The following DTX1 variants were observed in gnomAD, a reference collection of about 807,000 sequenced individuals.
DTX1 encodes the protein E3 ubiquitin-protein ligase DTX1.
Under a neutral mutation model 57.8 loss-of-function variants are expected in DTX1, and 26 were observed. That is an observed-to-expected ratio of 0.45 (90% CI 0.33 to 0.62). DTX1 has a LOEUF of 0.62. Among genes scored for constraint, DTX1 ranks in the 20% least tolerant of loss-of-function variants. The pLI, the probability that DTX1 is intolerant of heterozygous loss-of-function variation, is 0.02. For synonymous variants in DTX1, 398 were observed against 394.1 expected, an observed-to-expected ratio of 1.01 and a Z score of -0.12; for missense variants, 704 against 895.3, an observed-to-expected ratio of 0.79 and a Z score of 2.73.
At chr12:113,072,876 G>C (rs1410996935) in intron 2 of DTX1, among the ~76,000 whole-genome samples, 2 of 151,816 alleles carry the variant, frequency 1.3e-5, no homozygotes, top group Non-Finnish European at 2.9e-5. Context: ...GCTAATGTTT[G>C]TATTTTTTAG....
chr12:113,091,132 G>A (rs1950244074), intron 3 of DTX1, among the ~76,000 whole-genome samples: 1 of 152,174 alleles, frequency 6.6e-6, no homozygotes, highest in Non-Finnish European at 1.5e-5. Flanking sequence ...GCAGTAGCAG[G>A]TGCGGTACTG....
intron 9 of DTX1, 87 bp downstream of exon 9, chr12:113,095,501 C>T: frequency 6.5e-7 from 1 of 1,529,454 alleles, no homozygotes; most frequent in East Asian, 2.3e-5. Context: ...CCCCATCATT[C>T]CCAATCCCTG....
rs936040726 is a variant in DTX1, at chr12:113,093,571, C to T, written c.1036C>T (p.Leu346=). ...MTGILLCAAG[L]PVCLTRAPKP... ...CGGGATACTGCTGTGCGCGGCCGGG[C>T]TGCCCGTGTGCCTGACGCGGGCCCC... The change falls in exon 5 of 10, where the codon CTG becomes TTG. Residue 346 remains leucine, a synonymous_variant. Coordinates refer to ENST00000548759, the MANE Select transcript of DTX1 (RefSeq NM_004416.3). The surrounding 1 kb of genome is among the most constrained non-coding windows in gnomAD (Gnocchi z 4.2). The T allele has an allele frequency of 1.2e-6, 2 of 1,610,200 alleles. No homozygotes were observed. The highest frequency in any genetic ancestry group is 1.3e-5 in the African/African-American group (1 of 74,860).
chr12:113,093,368 C>T lies in DTX1; in HGVS notation c.1003+145C>T, dbSNP rs1950260987. ...CTTCCACTGGGCCCAGGACACAGGGCGGGCGTGGCCCGCAGAAAGGCCCTT... is the reference window on the plus strand; with the variant it reads ...CTTCCACTGGGCCCAGGACACAGGGTGGGCGTGGCCCGCAGAAAGGCCCTT... On this transcript the variant is annotated intron_variant, in intron 4 of 9. Transcript: ENST00000548759. The surrounding 1 kb of genome is among the most constrained non-coding windows in gnomAD (Gnocchi z 4.2). 11 of 1,323,224 alleles carry T rather than the reference C, an allele frequency of 8.3e-6. No homozygotes were observed. The highest frequency in any genetic ancestry group is 1.5e-5 in the South Asian group (1 of 65,778). 82.0% of individuals were successfully genotyped at this position (1,323,224 alleles called of 1,614,324 possible). A position where few individuals can be genotyped will look rare whatever the true frequency, so the allele number is the denominator to read the frequency against.
Position 113,065,261 on chromosome 12 carries a change from G to A in DTX1, c.259+6810G>A, listed in dbSNP as rs530251859. The stretch of plus-strand genomic sequence containing the variant: ...CTGGGTTCCCTTCACCCAGCCAGCG[G>A]GTGTCACCCCATTTTACACATAGTA... On this transcript the variant is annotated intron_variant, in intron 2 of 9. Coordinates refer to ENST00000548759, the MANE Select transcript of DTX1 (RefSeq NM_004416.3). 8.5e-5 allele frequency among the ~76,000 whole-genome samples: 13 copies of A among 152,318 alleles called. No homozygotes were observed. In the South Asian group the frequency reaches 2.7e-3, roughly 32 times the overall value.
At chr12:113,078,186 C>T in intron 3 of DTX1, 81 bp downstream of exon 3, 4 of 1,070,868 alleles carry the variant, frequency 3.7e-6, no homozygotes, top group Non-Finnish European at 4.7e-6. Flanking sequence ...GCCACTAGGG[C>T]AGGAGCAAAG....
intron 3 of DTX1, among the ~76,000 whole-genome samples, chr12:113,091,752 C>T (rs983690267): frequency 3.3e-5 from 5 of 152,198 alleles, no homozygotes; most frequent in African/African-American, 1.2e-4. Flanking sequence ...CAGGCTGTGA[C>T]CTGAACAGGC....
intron 9 of DTX1, 32 bp from the exon 10 acceptor site, chr12:113,096,683 C>T: frequency 6.3e-7 from 1 of 1,580,882 alleles, no homozygotes; most frequent in Non-Finnish European, 8.6e-7. Context: ...CTGTGACCTC[C>T]TCCCGGCCCC....
chr12:113,078,165 G>C (rs922445686), intron 3 of DTX1, 60 bp downstream of exon 3: 2 of 1,247,940 alleles, frequency 1.6e-6, no homozygotes, highest in Non-Finnish European at 2.0e-6. Flanking sequence ...GACGAAGCCC[G>C]GGGGTGGTTG....
chr12:113,065,443 C>T (rs2044697598), intron 2 of DTX1, among the ~76,000 whole-genome samples: 1 of 152,184 alleles, frequency 6.6e-6, no homozygotes, highest in African/African-American at 2.4e-5. Context: ...CCGCCCGCGC[C>T]TTCCGGGCTG....
chr12:113,076,582 T>C (rs919959085), intron 2 of DTX1, among the ~76,000 whole-genome samples: 3 of 151,662 alleles, frequency 2.0e-5, no homozygotes, highest in African/African-American at 4.9e-5. Context: ...CTGGGCAACA[T>C]AGGGAGACCC....
At position 113,058,231 on chromosome 12, in the gene DTX1, T is replaced by A; in HGVS notation, c.39T>A (p.Asn13Lys). 6.2e-7 allele frequency: 1 copy of A among 1,612,678 alleles called. No individual in the cohort carries two copies. Among genetic ancestry groups the A allele is most frequent in the Non-Finnish European group, 8.5e-7 (1 of 1,179,658 alleles). The change falls in exon 2 of 10, where the codon AAT becomes AAA. Residue 13 changes from asparagine to lysine, a missense_variant. Around this residue, in one of 3 missense-constraint regions of DTX1, gnomAD observed 237 missense variants for 328.6 expected, o/e 0.72. Transcript: ENST00000548759. ...GCCACGGTGGGCTGATGCCTGTGAATGGTCTGGGCTTCCCACCGCAGAACG... is the reference window on the plus strand; with the variant it reads ...GCCACGGTGGGCTGATGCCTGTGAAAGGTCTGGGCTTCCCACCGCAGAACG... ...RPGHGGLMPV[N>K]GLGFPPQNVA...
intron 3 of DTX1, among the ~76,000 whole-genome samples, chr12:113,085,053 CTTT>C (rs139788602): frequency 4.2e-5 from 6 of 142,716 alleles, no homozygotes; most frequent in Admixed American, 7.0e-5. Context: ...GGCCCGTACC[CTTT>C]TTTTTTTTTT....
intron 2 of DTX1, among the ~76,000 whole-genome samples, chr12:113,068,544 A>G (rs1039046643): frequency 4.6e-5 from 7 of 152,250 alleles, no homozygotes; most frequent in African/African-American, 1.4e-4. Flanking sequence ...ATGCAAATAC[A>G]GAGGCATAAC....
chr12:113,064,827 C>T (rs1296309110), intron 2 of DTX1, among the ~76,000 whole-genome samples: 1 of 152,248 alleles, frequency 6.6e-6, no homozygotes, highest in East Asian at 1.9e-4. Flanking sequence ...CCTCACTAGG[C>T]AGATGCACGG....
chr12:113,083,905 C>A (rs749739327), intron 3 of DTX1, among the ~76,000 whole-genome samples: 1 of 152,244 alleles, frequency 6.6e-6, no homozygotes, highest in Non-Finnish European at 1.5e-5. Context: ...TCTCTAGCCT[C>A]AGTCTCCCCA....
In DTX1 at chr12:113,074,843, G is replaced by A. The variant is rs549681566; in HGVS notation, c.260-2581G>A. ...TGACAGATTGGAGGTGGGATATGAG[G>A]TAGAAGTCAAGGATGAGACCAAGAT... On this transcript the variant is annotated intron_variant, in intron 2 of 9. Coordinates refer to ENST00000548759, the MANE Select transcript of DTX1 (RefSeq NM_004416.3). Among the ~76,000 whole-genome samples the A allele has an allele frequency of 2.6e-5, 4 of 152,330 alleles. No individual in the cohort carries two copies. In the South Asian group the frequency reaches 8.3e-4, roughly 32 times the overall value.
chr12:113,095,000 T>TG (rs769440988), intron 7 of DTX1, 42 bp from the exon 8 acceptor site: 165 of 1,604,308 alleles, frequency 1.0e-4, no homozygotes, highest in East Asian at 7.2e-4. Flanking sequence ...GAGTGGGGTT[T>TG]GGGGGGGTGC....
At chr12:113,063,822 C>T (rs1283029390) in intron 2 of DTX1, among the ~76,000 whole-genome samples, 7 of 152,180 alleles carry the variant, frequency 4.6e-5, no homozygotes, top group African/African-American at 4.8e-5. Context: ...GCTGTTACCA[C>T]CCAGATGGGA....
Sources: allele counts gnomAD v4.1 joint callset (sites outside exome capture counted in the v4.1 genomes callset), GRCh38; gene constraint gnomAD v4.1.1; regional missense constraint gnomAD v4.1.1; non-coding constraint Gnocchi (gnomAD v3.1); transcripts MANE v1.5; gene names NCBI Gene and HGNC (gene_info 2026-07-23, HGNC 2026-07-21).